The following ISOC1 variants were observed in gnomAD, a reference collection of about 807,000 sequenced individuals.
ISOC1 encodes the protein isochorismatase domain containing 1.
A neutral mutation model predicts 30.0 loss-of-function variants in ISOC1; 33 were observed. That is an observed-to-expected ratio of 1.10 (90% CI 0.83 to 1.47). ISOC1 has a LOEUF of 1.47. ISOC1 is among the 40% of genes most tolerant of loss of function. The pLI, the probability that ISOC1 is intolerant of heterozygous loss-of-function variation, is 0.00. For synonymous variants in ISOC1, 178 were observed against 159.8 expected, an observed-to-expected ratio of 1.11 and a Z score of -0.86; for missense variants, 372 against 388.0, an observed-to-expected ratio of 0.96 and a Z score of 0.35.
intron 1 of ISOC1, among the ~76,000 whole-genome samples, chr5:129,103,447 A>C (rs563422892): frequency 7.2e-5 from 11 of 152,292 alleles, no homozygotes; most frequent in African/African-American, 2.4e-4. Context: ...AACCCTATAC[A>C]TAGAGTAAGA....
chr5:129,113,861 T>C lies in ISOC1; in HGVS notation c.*860T>C, dbSNP rs1753740929. The C allele has an allele frequency of 6.6e-6, 1 of 152,202 alleles. No homozygotes were observed. The allele number at this position is 152,202 out of a possible 1,614,324, so 9.4% of individuals were successfully genotyped here. On this transcript the variant is annotated 3_prime_UTR_variant, in exon 5 of 5. Coordinates refer to ENST00000173527, the MANE Select transcript of ISOC1 (RefSeq NM_016048.2). The stretch of plus-strand genomic sequence containing the variant: ...ATTTTCTTCACCTACTCTCCAAATA[T>C]TGTAATGCAAAAAGTCTCAGTAATG...
intron 4 of ISOC1, among the ~76,000 whole-genome samples, chr5:129,109,012 T>C (rs1429809891): frequency 6.6e-6 from 1 of 152,142 alleles, no homozygotes; most frequent in Non-Finnish European, 1.5e-5. Context: ...AAAACAAACT[T>C]CCTTGCTTGT....
chr5:129,102,149 C>T (rs1753579781), intron 1 of ISOC1, among the ~76,000 whole-genome samples: 1 of 152,196 alleles, frequency 6.6e-6, no homozygotes, highest in Non-Finnish European at 1.5e-5. Flanking sequence ...AGTGCAGCCA[C>T]ATTCAAGAGG....
At chr5:129,096,053 C>G (rs1753496361) in intron 1 of ISOC1, among the ~76,000 whole-genome samples, 1 of 152,018 alleles carries the variant, frequency 6.6e-6, no homozygotes, top group South Asian at 2.1e-4. Flanking sequence ...GTGTCATTTT[C>G]TTTCTTTTTT....
rs1753624334 is a variant in ISOC1, at chr5:129,105,398, T to A, written c.633+10T>A. ...ATTATTTGGAGTAGAAGTAAGTACCTGTTACTATCATTTAGGCACAATATT... is the reference window on the plus strand; with the variant it reads ...ATTATTTGGAGTAGAAGTAAGTACCAGTTACTATCATTTAGGCACAATATT... On this transcript the variant is annotated intron_variant, in intron 3 of 4. Coordinates refer to ENST00000173527, the MANE Select transcript of ISOC1 (RefSeq NM_016048.2). The A allele has an allele frequency of 6.2e-7, 1 of 1,600,090 alleles. No homozygotes were observed. The highest frequency in any genetic ancestry group is 8.6e-7 in the Non-Finnish European group (1 of 1,167,828).
At position 129,094,987 on chromosome 5, in the gene ISOC1, C is replaced by T. The variant is rs759563058; in HGVS notation, c.221C>T (p.Ala74Val). ...MHRKFVVQLF[A>V]EEWGQYVDLP... ...CGCAAATTCGTGGTGCAGCTGTTCG[C>T]CGAGGAGTGGGGCCAGTACGTGGAC... Residue 74 changes from alanine to valine, a missense_variant, in exon 1 of 5, where the codon GCC (alanine) becomes GTC (valine). Physicochemically the swap from Ala to Val is moderately conservative, Grantham distance 64. Transcript: ENST00000173527. 1 of 1,611,006 alleles carries T rather than the reference C, an allele frequency of 6.2e-7. No homozygotes were observed. Among genetic ancestry groups the T allele is most frequent in the Non-Finnish European group, 8.5e-7 (1 of 1,179,682 alleles).
chr5:129,103,440 C>T (rs1451972807), intron 1 of ISOC1, among the ~76,000 whole-genome samples: 3 of 151,784 alleles, frequency 2.0e-5, no homozygotes, highest in Non-Finnish European at 4.4e-5. Flanking sequence ...GTAGGAAAAC[C>T]CTATACATAG....
intron 4 of ISOC1, among the ~76,000 whole-genome samples, chr5:129,108,974 A>C (rs1391563428): frequency 6.6e-6 from 1 of 152,188 alleles, no homozygotes; most frequent in Non-Finnish European, 1.5e-5. Context: ...TGAGGTCCAG[A>C]ACTTTGGAAA....
chr5:129,105,170 G>A lies in ISOC1; in HGVS notation c.430-15G>A. ...ATATAGCTAATTGTTTTTGTGTTTG[G>A]TTATTTTTTTTCAGTTGCAAGGGGC... On this transcript the variant is annotated splice_polypyrimidine_tract_variant and intron_variant, in intron 2 of 4. Transcript: ENST00000173527. 4 of 1,612,848 alleles carry A rather than the reference G, an allele frequency of 2.5e-6. No homozygotes were observed. Among genetic ancestry groups the A allele is most frequent in the Non-Finnish European group, 3.4e-6 (4 of 1,179,530 alleles).
At chr5:129,106,586 GA>G (rs1465046958) in intron 3 of ISOC1, among the ~76,000 whole-genome samples, 1 of 152,084 alleles carries the variant, frequency 6.6e-6, no homozygotes, top group Non-Finnish European at 1.5e-5. Context: ...GGTGAATGAA[GA>G]AAAAAACTCA....
intron 1 of ISOC1, among the ~76,000 whole-genome samples, chr5:129,103,882 A>T (rs1753601294): frequency 6.6e-6 from 1 of 152,162 alleles, no homozygotes; most frequent in Admixed American, 6.6e-5. Flanking sequence ...TTCATTCAGG[A>T]CCAGAACACA....
chr5:129,097,108 C>T (rs962873248), intron 1 of ISOC1, among the ~76,000 whole-genome samples: 1 of 152,160 alleles, frequency 6.6e-6, no homozygotes. Context: ...ACTCTACTCC[C>T]TCTTCAGAAG....
rs560536061 is a variant in ISOC1 at position 129,113,573 on chromosome 5, A to G, written c.*572A>G. The G allele has an allele frequency of 6.6e-6, 1 of 152,322 alleles. No homozygotes were observed. The highest frequency in any genetic ancestry group is 2.1e-4 in the South Asian group (1 of 4,824). 9.4% of individuals were successfully genotyped at this position (152,322 alleles called of 1,614,324 possible). ...ACCAAATGATGTTGAATAATTACATATCTTTCTTGACTATACTGATTTCTT... is the reference window on the plus strand; with the variant it reads ...ACCAAATGATGTTGAATAATTACATGTCTTTCTTGACTATACTGATTTCTT... On this transcript the variant is annotated 3_prime_UTR_variant, in exon 5 of 5. Coordinates refer to ENST00000173527, the MANE Select transcript of ISOC1 (RefSeq NM_016048.2).
rs1188684186 is a variant in ISOC1, at chr5:129,105,319, A to G, written c.564A>G (p.Val188=). 3.1e-6 allele frequency: 5 copies of G among 1,613,922 alleles called. No homozygotes were observed. In the South Asian group the frequency reaches 3.3e-5, roughly 11 times the overall value. ...LVLPKTKFSM[V]LPEVEAALAE... ...TTCCAAAGACCAAGTTTTCAATGGT[A>G]TTACCAGAAGTAGAAGCGGCATTAG... The change falls in exon 3 of 5, where the codon GTA becomes GTG. Residue 188 remains valine (V), a synonymous_variant. Coordinates refer to ENST00000173527, the MANE Select transcript of ISOC1 (RefSeq NM_016048.2).
At chr5:129,108,675 C>G (rs1199681238) in intron 4 of ISOC1, among the ~76,000 whole-genome samples, 3 of 152,074 alleles carry the variant, frequency 2.0e-5, no homozygotes, top group African/African-American at 7.2e-5. Flanking sequence ...CTGCACCCGG[C>G]TAATTTTTGT....
At chr5:129,111,307 T>C (rs1289574568) in intron 4 of ISOC1, among the ~76,000 whole-genome samples, 1 of 152,144 alleles carries the variant, frequency 6.6e-6, no homozygotes, top group Non-Finnish European at 1.5e-5. Flanking sequence ...AAAAAATTGC[T>C]GCAAAGTTCT....
At chr5:129,095,909 G>A (rs1435132670) in intron 1 of ISOC1, among the ~76,000 whole-genome samples, 1 of 152,176 alleles carries the variant, frequency 6.6e-6, no homozygotes, top group African/African-American at 2.4e-5. Flanking sequence ...ATTTTGGAAA[G>A]GAAAGAATAT....
chr5:129,104,374 G>A (rs756321216), intron 1 of ISOC1, among the ~76,000 whole-genome samples: 2 of 151,944 alleles, frequency 1.3e-5, no homozygotes, highest in Non-Finnish European at 2.9e-5. Flanking sequence ...CTTACAAGCA[G>A]CAACATCAGA....
In ISOC1 at chr5:129,094,982, G is replaced by A; in HGVS notation, c.216G>A (p.Leu72=). ...IDMHRKFVVQ[L]FAEEWGQYVD... ...TGCACCGCAAATTCGTGGTGCAGCT[G>A]TTCGCCGAGGAGTGGGGCCAGTACG... Residue 72 remains leucine, a synonymous_variant, in exon 1 of 5, where the codon CTG becomes CTA. Transcript: ENST00000173527. 6.2e-7 allele frequency: 1 copy of A among 1,611,226 alleles called. No homozygotes were observed. Among genetic ancestry groups the A allele is most frequent in the Non-Finnish European group, 8.5e-7 (1 of 1,179,702 alleles).
Sources: allele counts gnomAD v4.1 joint callset (sites outside exome capture counted in the v4.1 genomes callset), GRCh38; gene constraint gnomAD v4.1.1; transcripts MANE v1.5; gene names NCBI Gene and HGNC (gene_info 2026-07-23, HGNC 2026-07-21).